Variants in CPNE4 observed in about 807,000 individuals in gnomAD.
CPNE4 encodes copine 4, also known as copine-4.
In CPNE4, 25 loss-of-function variants were observed where a neutral mutation model predicts 67.9. That is an observed-to-expected ratio of 0.37 (90% CI 0.27 to 0.51). The LOEUF (loss-of-function observed/expected upper bound fraction) is 0.51. CPNE4 is among the 20% of genes least tolerant of loss of function. CPNE4 has a pLI of 0.93. For synonymous variants in CPNE4, 242 were observed against 244.9 expected (o/e 0.99, Z 0.11); for missense variants, 464 against 690.8 (o/e 0.67, Z 3.68).
chr3:131,708,642 A>T (rs1415194562), intron 3 of CPNE4, among the ~76,000 whole-genome samples: 1 of 151,982 alleles, frequency 6.6e-6, no homozygotes, highest in Non-Finnish European at 1.5e-5. Flanking sequence ...GAGCTGAGGG[A>T]TGACACACTC....
intron 2 of CPNE4, among the ~76,000 whole-genome samples, chr3:131,822,775 T>C (rs1383067330): frequency 1.3e-5 from 2 of 152,240 alleles, no homozygotes; most frequent in Non-Finnish European, 2.9e-5. Context: ...TTAAGTACTT[T>C]CCTTATTTCT....
rs1461213156 is a variant in CPNE4 at position 131,720,574 on chromosome 3, G to A, written c.360+2872C>T. On this transcript the variant is annotated intron_variant, in intron 3 of 15. Coordinates refer to ENST00000429747, the MANE Select transcript of CPNE4 (RefSeq NM_130808.3). ...GCTGGGATTACAGGCGTGAGCCACC[G>A]CGCCCGGCTAGGAATGGTTCTTCAT... Among the ~76,000 whole-genome samples the A allele has an allele frequency of 3.9e-5, 6 of 152,132 alleles. No individual in the cohort carries two copies. The South Asian group carries it at 8.3e-4, about 21-fold the overall frequency.
intron 7 of CPNE4, among the ~76,000 whole-genome samples, chr3:131,609,281 C>T (rs564588765): frequency 7.9e-5 from 12 of 152,262 alleles, no homozygotes; most frequent in Non-Finnish European, 1.5e-4. Context: ...GTTGAATGAA[C>T]GACATGGTTG....
intron 2 of CPNE4, among the ~76,000 whole-genome samples, chr3:131,733,135 C>T (rs1374608656): frequency 6.6e-6 from 1 of 152,186 alleles, no homozygotes; most frequent in Non-Finnish European, 1.5e-5. Flanking sequence ...ACCCAGCTGT[C>T]GAGTGATGGA....
At chr3:131,938,950 A>T (rs935185655) in intron 1 of CPNE4, among the ~76,000 whole-genome samples, 1 of 152,176 alleles carries the variant, frequency 6.6e-6, no homozygotes, top group East Asian at 1.9e-4. Context: ...ATAACTGTCA[A>T]CTTCCAAAAC....
chr3:131,828,114 G>A (rs2085234397), intron 2 of CPNE4, among the ~76,000 whole-genome samples: 1 of 150,820 alleles, frequency 6.6e-6, no homozygotes, highest in Admixed American at 6.6e-5. Flanking sequence ...ATTGCTTAGA[G>A]TCTAAATTTA....
chr3:131,759,020 C>T (rs1465176481), intron 2 of CPNE4, among the ~76,000 whole-genome samples: 4 of 152,068 alleles, frequency 2.6e-5, no homozygotes, highest in Admixed American at 1.3e-4. Context: ...TACTAATACA[C>T]GTGCCTAACT....
intron 7 of CPNE4, among the ~76,000 whole-genome samples, chr3:131,611,965 T>A (rs1559981700): frequency 6.6e-6 from 1 of 152,152 alleles, no homozygotes; most frequent in Non-Finnish European, 1.5e-5. Context: ...TTGCAAAGCT[T>A]ACAGTAACCC....
intron 5 of CPNE4, among the ~76,000 whole-genome samples, chr3:131,687,591 G>T (rs1047019460): frequency 1.3e-4 from 20 of 152,176 alleles, no homozygotes; most frequent in African/African-American, 4.6e-4. Context: ...AAGCAAGCCA[G>T]AGTCAAACTC....
chr3:131,998,309 T>G (rs2073347119), intron 1 of CPNE4, among the ~76,000 whole-genome samples: 1 of 152,142 alleles, frequency 6.6e-6, no homozygotes, highest in Non-Finnish European at 1.5e-5. Context: ...CTAACTATCC[T>G]GTAAGGTAAG....
chr3:131,933,177 T>C (rs927907141), intron 1 of CPNE4, among the ~76,000 whole-genome samples: 7 of 151,994 alleles, frequency 4.6e-5, no homozygotes, highest in Non-Finnish European at 2.9e-5. Context: ...ATCACGTGAG[T>C]TCATCATGAA....
chr3:131,981,934 C>A (rs1280900949), intron 1 of CPNE4, among the ~76,000 whole-genome samples: 1 of 152,166 alleles, frequency 6.6e-6, no homozygotes, highest in Non-Finnish European at 1.5e-5. Context: ...GGGATGTCTC[C>A]CAGGTCCTGC....
intron 7 of CPNE4, among the ~76,000 whole-genome samples, chr3:131,588,661 C>T (rs1289940193): frequency 1.3e-5 from 2 of 152,096 alleles, no homozygotes; most frequent in Non-Finnish European, 2.9e-5. Flanking sequence ...AACATTGTTT[C>T]CCCCTAAATT....
chr3:131,652,032 G>T (rs542934184), intron 7 of CPNE4, among the ~76,000 whole-genome samples: 4 of 152,298 alleles, frequency 2.6e-5, no homozygotes, highest in African/African-American at 9.6e-5. Context: ...TCGTTACTCA[G>T]ATTGAGGATT....
intron 6 of CPNE4, among the ~76,000 whole-genome samples, chr3:131,685,478 TAC>T (rs367696925): frequency 1.3e-5 from 2 of 151,406 alleles, no homozygotes; most frequent in African/African-American, 4.9e-5. Flanking sequence ...AGTTGATATC[TAC>T]AGACATTAAG....
intron 1 of CPNE4, among the ~76,000 whole-genome samples, chr3:131,922,121 G>A (rs1231096465): frequency 3.3e-5 from 5 of 152,052 alleles, no homozygotes; most frequent in South Asian, 4.1e-4. Context: ...CCATCTTTAC[G>A]TACATGAGTA....
chr3:131,597,141 A>G (rs1196934278), intron 7 of CPNE4, among the ~76,000 whole-genome samples: 1 of 152,116 alleles, frequency 6.6e-6, no homozygotes, highest in East Asian at 1.9e-4. Flanking sequence ...TATCATCCCT[A>G]CTGAACAGAT....
intron 2 of CPNE4, among the ~76,000 whole-genome samples, chr3:131,734,080 T>C (rs760054760): frequency 5.3e-5 from 8 of 152,164 alleles, no homozygotes; most frequent in Non-Finnish European, 1.0e-4. Context: ...CCAAGTCCTT[T>C]AGAATCATAA....
At chr3:131,924,193 T>C (rs2070828592) in intron 1 of CPNE4, among the ~76,000 whole-genome samples, 1 of 152,202 alleles carries the variant, frequency 6.6e-6, no homozygotes. Flanking sequence ...ATATCTTGTC[T>C]CCCTTACAGC....
Sources: allele counts gnomAD v4.1 joint callset (sites outside exome capture counted in the v4.1 genomes callset), GRCh38; gene constraint gnomAD v4.1.1; transcripts MANE v1.5; gene names NCBI Gene and HGNC (gene_info 2026-07-23, HGNC 2026-07-21).